Variants in TNFSF4 observed in about 807,000 individuals in gnomAD.
TNFSF4 encodes tumor necrosis factor ligand superfamily member 4.
A neutral mutation model predicts 7.3 loss-of-function variants in TNFSF4; 4 were observed. That is an observed-to-expected ratio of 0.55 (90% CI 0.27 to 1.25). The LOEUF is 1.25. TNFSF4 is among the 50% of genes most tolerant of loss of function. TNFSF4 has a pLI of 0.12. For synonymous variants in TNFSF4, 76 were observed against 83.7 expected, an observed-to-expected ratio of 0.91 and a Z score of 0.50; for missense variants, 181 against 208.8, an observed-to-expected ratio of 0.87 and a Z score of 0.82.
At chr1:173,425,169 A>AT in the TNFSF4 span, among the ~76,000 whole-genome samples, 1 of 152,074 alleles carries the variant, frequency 6.6e-6, no homozygotes, top group African/African-American at 2.4e-5. Flanking sequence ...ATGTCTTGGT[A>AT]TTTTTTTATA....
chr1:173,173,790 G>A, the TNFSF4 span, among the ~76,000 whole-genome samples: 1 of 152,214 alleles, frequency 6.6e-6, no homozygotes, highest in African/African-American at 2.4e-5. Flanking sequence ...ATAGAGCAGG[G>A]GGGCCCTGGG....
At chr1:173,423,181 T>C in the TNFSF4 span, among the ~76,000 whole-genome samples, 1 of 152,180 alleles carries the variant, frequency 6.6e-6, no homozygotes, top group East Asian at 1.9e-4. Context: ...TTGATCCTCA[T>C]AAGCACCCTC....
chr1:173,412,114 CA>C, the TNFSF4 span, among the ~76,000 whole-genome samples: 12 of 56,492 alleles, frequency 2.1e-4, no homozygotes, highest in African/African-American at 5.5e-4. Context: ...GATTCCATCT[CA>C]AGAAAAAAAA....
chr1:173,326,175 A>G, the TNFSF4 span, among the ~76,000 whole-genome samples: 2 of 152,238 alleles, frequency 1.3e-5, no homozygotes, highest in Non-Finnish European at 2.9e-5. Flanking sequence ...ACCATGACCA[A>G]GTGGGCTTCA....
the TNFSF4 span, among the ~76,000 whole-genome samples, chr1:173,427,398 A>G: frequency 6.6e-6 from 1 of 152,164 alleles, no homozygotes; most frequent in South Asian, 2.1e-4. Flanking sequence ...ACATTCCACA[A>G]TGCACGGGAG....
At chr1:173,201,847 T>C (rs921389345) in intron 1 of TNFSF4, among the ~76,000 whole-genome samples, 1 of 152,178 alleles carries the variant, frequency 6.6e-6, no homozygotes, top group African/African-American at 2.4e-5. Context: ...AACTCTACCA[T>C]GTATTTCATT....
At chr1:173,418,521 C>G in the TNFSF4 span, 1 of 151,890 alleles carries the variant, frequency 6.6e-6, no homozygotes, top group Non-Finnish European at 1.5e-5. Context: ...AGGGCTCTTT[C>G]ATTAGTCATT....
At chr1:173,299,355 G>A in the TNFSF4 span, among the ~76,000 whole-genome samples, 10 of 151,892 alleles carry the variant, frequency 6.6e-5, no homozygotes, top group African/African-American at 1.9e-4. Flanking sequence ...ATCACTGGTG[G>A]ATGGGAAATA....
the TNFSF4 span, among the ~76,000 whole-genome samples, chr1:173,326,916 C>T: frequency 1.3e-5 from 2 of 152,310 alleles, no homozygotes; most frequent in South Asian, 4.1e-4. Context: ...TAGGAAGAAT[C>T]AGTATCGTGA....
rs906373766 is a variant in TNFSF4 at position 173,184,983 on chromosome 1, T to C, written c.*1533A>G. The C allele has an allele frequency of 6.6e-6, 1 of 152,174 alleles. No homozygotes were observed. The highest frequency in any genetic ancestry group is 6.5e-5 in the Admixed American group (1 of 15,276). 9.4% of individuals were successfully genotyped at this position (152,174 alleles called of 1,614,324 possible). A position where few individuals can be genotyped will look rare whatever the true frequency, so the allele number is the denominator to read the frequency against. ...AGATTAAAATAGAGGGATGGGAATA[T>C]AGTTGAAGGTGTACTTAAGAGGAAA... On this transcript the variant is annotated 3_prime_UTR_variant, in exon 3 of 3. Coordinates refer to ENST00000281834, the MANE Select transcript of TNFSF4 (RefSeq NM_003326.5).
rs147991338 is a variant in TNFSF4 at position 173,184,526 on chromosome 1, CT to C, written c.*1989del. The C allele has an allele frequency of 0.17, 25,657 of 152,152 alleles. 2,264 individuals carry two copies. Among genetic ancestry groups the C allele is most frequent in the Middle Eastern group, 0.26 (76 of 294 alleles). 9.4% of individuals were successfully genotyped at this position (152,152 alleles called of 1,614,324 possible). On this transcript the variant is annotated 3_prime_UTR_variant, in exon 3 of 3. Transcript: ENST00000281834. ...AGACAAACAACACACACAACATATA[CT>C]TAGGCCTGCATGTGCACTGCACATC...
At chr1:173,270,395 G>A in the TNFSF4 span, among the ~76,000 whole-genome samples, 2 of 152,072 alleles carry the variant, frequency 1.3e-5, no homozygotes, top group Non-Finnish European at 2.9e-5. Context: ...GAAAAGTGAA[G>A]AGGACCCTGG....
chr1:173,277,306 TAAAG>T, the TNFSF4 span, among the ~76,000 whole-genome samples: 1 of 152,086 alleles, frequency 6.6e-6, no homozygotes. Context: ...GCCAGGAAAA[TAAAG>T]AAAGAGACCT....
chr1:173,173,175 A>G, the TNFSF4 span, among the ~76,000 whole-genome samples: 1 of 152,198 alleles, frequency 6.6e-6, no homozygotes, highest in African/African-American at 2.4e-5. Flanking sequence ...TTGGGTGAGG[A>G]CACAGAGCCA....
chr1:173,222,612 C>A, the TNFSF4 span, among the ~76,000 whole-genome samples: 131 of 152,280 alleles, frequency 8.6e-4, 1 homozygote, highest in African/African-American at 2.9e-3. Flanking sequence ...AAGCAAAGTA[C>A]ATCCTAACAT....
the TNFSF4 span, among the ~76,000 whole-genome samples, chr1:173,429,410 T>G: frequency 6.6e-6 from 1 of 152,100 alleles, no homozygotes; most frequent in Non-Finnish European, 1.5e-5. Context: ...ATCTGTTAGG[T>G]GCTAAATAAG....
chr1:173,319,391 G>C, the TNFSF4 span, among the ~76,000 whole-genome samples: 5 of 152,334 alleles, frequency 3.3e-5, no homozygotes, highest in African/African-American at 1.2e-4. Context: ...GCACCTGGGG[G>C]AAGGGGTGGC....
chr1:173,196,675 C>A (rs905144172), intron 1 of TNFSF4, among the ~76,000 whole-genome samples: 2 of 152,160 alleles, frequency 1.3e-5, no homozygotes, highest in Non-Finnish European at 2.9e-5. Flanking sequence ...TTTAGGTAAA[C>A]AATCAAATCA....
rs779721998 is a variant in TNFSF4 at position 173,188,472 on chromosome 1, G to A, written c.202+49C>T. On this transcript the variant is annotated intron_variant, in intron 2 of 2. Transcript: ENST00000281834. ...CTAGAGGAAATTAAGAGACTGAAGA[G>A]AAGATTCTTTCAAAAATATGAATCA... The A allele has an allele frequency of 7.1e-6, 10 of 1,411,128 alleles. No individual in the cohort carries two copies. In the East Asian group the frequency reaches 2.3e-4, roughly 32 times the overall value. The allele number at this position is 1,411,128 out of a possible 1,614,324, so 87.4% of individuals were successfully genotyped here. A position where few individuals can be genotyped will look rare whatever the true frequency, so the allele number is the denominator to read the frequency against.
Sources: allele counts gnomAD v4.1 joint callset (sites outside exome capture counted in the v4.1 genomes callset), GRCh38; gene constraint gnomAD v4.1.1; transcripts MANE v1.5; gene names NCBI Gene and HGNC (gene_info 2026-07-23, HGNC 2026-07-21).